IL1RAPL2: variants seen among roughly 807,000 people sequenced by gnomAD.
IL1RAPL2 encodes interleukin 1 receptor accessory protein like 2.
IL1RAPL2 carries 3 observed loss-of-function variants against 44.1 expected under a neutral mutation model. That is an observed-to-expected ratio of 0.07 (90% CI 0.03 to 0.18). IL1RAPL2 has a LOEUF of 0.18. Ranked by LOEUF, IL1RAPL2 falls within the 10% of genes least tolerant of loss-of-function variation. The pLI is 1.00. For synonymous variants in IL1RAPL2, 181 were observed against 178.8 expected (o/e 1.01, Z -0.10); for missense variants, 391 against 496.4 (o/e 0.79, Z 2.02).
At chrX:105,012,616 C>G (rs1437324736) in intron 2 of IL1RAPL2, among the ~76,000 whole-genome samples, 1 of 68,683 alleles carries the variant, frequency 1.5e-5, no homozygotes, top group Non-Finnish European at 2.5e-5. Context: ...CTCTCTCTCT[C>G]TCTCTCTCTC....
At chrX:104,817,501 A>G (rs1921169457) in intron 2 of IL1RAPL2, among the ~76,000 whole-genome samples, 1 of 111,518 alleles carries the variant, frequency 9.0e-6, no homozygotes, top group Non-Finnish European at 1.9e-5. Context: ...ATTTTGGGGC[A>G]TTGTTCTCTG....
At chrX:104,650,532 G>A (rs904208283) in intron 1 of IL1RAPL2, among the ~76,000 whole-genome samples, 1 of 110,954 alleles carries the variant, frequency 9.0e-6, no homozygotes, top group African/African-American at 3.3e-5. Flanking sequence ...GATGAACACT[G>A]CTACTAGATT....
At chrX:104,631,898 A>G (rs1381476237) in intron 1 of IL1RAPL2, among the ~76,000 whole-genome samples, 3 of 109,915 alleles carry the variant, frequency 2.7e-5, no homozygotes, top group Non-Finnish European at 5.7e-5. Context: ...TTGGTGTTTT[A>G]GACATGAAGT....
intron 2 of IL1RAPL2, among the ~76,000 whole-genome samples, chrX:105,084,594 G>A (rs2032456371): frequency 8.9e-6 from 1 of 112,505 alleles, no homozygotes; most frequent in Admixed American, 9.4e-5. Context: ...ATCATATGTA[G>A]GAAGTAACTA....
At chrX:104,952,097 A>G (rs929804773) in intron 2 of IL1RAPL2, among the ~76,000 whole-genome samples, 3 of 112,000 alleles carry the variant, frequency 2.7e-5, no homozygotes, top group Non-Finnish European at 5.6e-5. Flanking sequence ...TGAAGAATGT[A>G]TGAGTTTTCC....
At chrX:105,669,175 G>A (rs147527710) in intron 6 of IL1RAPL2, among the ~76,000 whole-genome samples, 2,872 of 111,519 alleles carry the variant, frequency 0.026, 90 homozygotes, top group African/African-American at 0.088. Flanking sequence ...TGTGAGTTAT[G>A]TGGATTCCAA....
At position 104,828,501 on chromosome X, in the gene IL1RAPL2, G is replaced by A. The variant is rs950612811; in HGVS notation, c.82+169506G>A. ...TTGCTGCCTCCTCCTTCCTCTGGAAGCTTTGTCCCAGAGGGGCACCTGCCA... is the reference window on the plus strand; with the variant it reads ...TTGCTGCCTCCTCCTTCCTCTGGAAACTTTGTCCCAGAGGGGCACCTGCCA... On this transcript the variant is annotated intron_variant, in intron 2 of 10. Transcript: ENST00000372582. Among the ~76,000 whole-genome samples the A allele has an allele frequency of 7.2e-5, 8 of 111,815 alleles. No individual in the cohort carries two copies. The Admixed American group carries it at 7.6e-4, about 11-fold the overall frequency.
intron 6 of IL1RAPL2, among the ~76,000 whole-genome samples, chrX:105,627,105 C>G (rs2037458373): frequency 8.9e-6 from 1 of 111,935 alleles, no homozygotes; most frequent in Non-Finnish European, 1.9e-5. Context: ...GGCTTTCTTT[C>G]TTTAGTAGGA....
At chrX:105,074,763 TG>T (rs1382239098) in intron 2 of IL1RAPL2, among the ~76,000 whole-genome samples, 2 of 108,488 alleles carry the variant, frequency 1.8e-5, no homozygotes, top group African/African-American at 3.4e-5. Flanking sequence ...TCACATCCCT[TG>T]TAAGTTGGAT....
At chrX:105,431,265 G>T (rs948280665) in intron 5 of IL1RAPL2, among the ~76,000 whole-genome samples, 2 of 112,156 alleles carry the variant, frequency 1.8e-5, no homozygotes, top group Non-Finnish European at 3.8e-5. Flanking sequence ...AGCGAATACG[G>T]TCTAACTAGG....
At chrX:105,279,304 AG>A (rs2034510636) in intron 5 of IL1RAPL2, among the ~76,000 whole-genome samples, 1 of 111,416 alleles carries the variant, frequency 9.0e-6, no homozygotes, top group East Asian at 2.8e-4. Context: ...GGGGAATTTA[AG>A]TAATTTTTTT....
At chrX:105,142,912 A>G (rs5916872) in intron 2 of IL1RAPL2, among the ~76,000 whole-genome samples, 55,774 of 108,784 alleles carry the variant, frequency 0.51, 12,569 homozygotes, top group East Asian at 0.75. Flanking sequence ...TTTGCTGAGA[A>G]TGATGGTTTC....
At chrX:105,025,180 G>A (rs1443960019) in intron 2 of IL1RAPL2, among the ~76,000 whole-genome samples, 4 of 111,066 alleles carry the variant, frequency 3.6e-5, no homozygotes, top group African/African-American at 9.8e-5. Flanking sequence ...AAAGAGGGAA[G>A]TTTCAAAATA....
intron 2 of IL1RAPL2, among the ~76,000 whole-genome samples, chrX:104,786,541 T>C (rs191185300): frequency 1.8e-5 from 2 of 111,902 alleles, no homozygotes; most frequent in East Asian, 5.6e-4. Context: ...CCCAAGGTCA[T>C]ATAGCTGGGC....
At chrX:104,876,094 C>G (rs948344946) in intron 2 of IL1RAPL2, among the ~76,000 whole-genome samples, 1 of 111,237 alleles carries the variant, frequency 9.0e-6, no homozygotes, top group African/African-American at 3.3e-5. Context: ...AATAGAGAAA[C>G]TACCACTACT....
At position 104,971,617 on chromosome X, in the gene IL1RAPL2, T is replaced by C. The variant is rs1288668421; in HGVS notation, c.83-223858T>C. Among the ~76,000 whole-genome samples, 5 of 111,317 alleles carry C rather than the reference T, an allele frequency of 4.5e-5. No homozygotes were observed. In the East Asian group the frequency reaches 8.6e-4, roughly 19 times the overall value. On this transcript the variant is annotated intron_variant, in intron 2 of 10. Transcript: ENST00000372582. ...CCAATCCTAGTCTATTATAGAGAACTACATTTGCCAAAGAGTCCAGGGACT... is the reference window on the plus strand; with the variant it reads ...CCAATCCTAGTCTATTATAGAGAACCACATTTGCCAAAGAGTCCAGGGACT...
intron 5 of IL1RAPL2, among the ~76,000 whole-genome samples, chrX:105,354,340 A>G (rs1017913087): frequency 9.1e-6 from 1 of 109,797 alleles, no homozygotes; most frequent in African/African-American, 3.3e-5. Flanking sequence ...TGATGAGTTC[A>G]TGTCCTTTGT....
intron 2 of IL1RAPL2, among the ~76,000 whole-genome samples, chrX:104,757,563 T>C (rs968381402): frequency 2.7e-5 from 3 of 111,658 alleles, no homozygotes; most frequent in Non-Finnish European, 5.7e-5. Flanking sequence ...AAAAGGAAGA[T>C]GTCTGGTGAC....
At chrX:104,906,928 G>A (rs1006477531) in intron 2 of IL1RAPL2, among the ~76,000 whole-genome samples, 9 of 111,515 alleles carry the variant, frequency 8.1e-5, no homozygotes, top group African/African-American at 2.9e-4. Context: ...AATCCTTCTG[G>A]TCCTGGACTC....
Sources: gnomAD v4.1 joint callset for allele counts (sites outside exome capture counted in the v4.1 genomes callset) on GRCh38, gnomAD v4.1.1 for gene constraint, MANE v1.5 for transcripts, NCBI Gene and HGNC (gene_info 2026-07-23, HGNC 2026-07-21) for gene names.